Variants in CD5 observed in about 807,000 individuals in gnomAD.
CD5 encodes T-cell surface glycoprotein CD5.
In CD5, 36 loss-of-function variants were observed where a neutral mutation model predicts 60.3. The observed-to-expected ratio is 0.60, with a 90% CI of 0.46 to 0.79. The LOEUF is 0.79. Ranked by LOEUF, CD5 falls within the 30% of genes least tolerant of loss-of-function variation. The pLI is 0.00. For missense variants in CD5, 540 were observed against 630.6 expected (o/e 0.86, Z 1.54); for synonymous variants, 230 against 257.6 (o/e 0.89, Z 1.03).
At chr11:61,117,116 C>T (rs1336077248) in intron 2 of CD5, among the ~76,000 whole-genome samples, 1 of 152,246 alleles carries the variant, frequency 6.6e-6, no homozygotes, top group Non-Finnish European at 1.5e-5. Context: ...ATTGGCATGT[C>T]CGTGTAGTGA....
rs149639963 is a variant in CD5, at chr11:61,122,999, G to A, written c.1192G>A (p.Gly398Ser). 96 of 1,613,834 alleles carry A rather than the reference G, an allele frequency of 5.9e-5. No homozygotes were observed. Among genetic ancestry groups the A allele is most frequent in the African/African-American group, 1.3e-4 (10 of 75,034 alleles). Residue 398 changes from glycine (G) to serine (S), a missense_variant, in exon 7 of 11, where the codon GGC (glycine) becomes AGC (serine). Gly to Ser is a moderately conservative substitution (Grantham distance 56). Coordinates refer to ENST00000347785, the MANE Select transcript of CD5 (RefSeq NM_014207.4). ...CCTGGTGGTGCTGCTGGTCGTGTGC[G>A]GCCCCCTTGCCTACAAGAAGCTAGT... ...VLLVVLLVVC[G>S]PLAYKKLVKK...
chr11:61,125,249 A>T, intron 9 of CD5, 98 bp downstream of exon 9: 1 of 1,378,344 alleles, frequency 7.3e-7, no homozygotes, highest in South Asian at 1.3e-5. Context: ...GATGGCCCAA[A>T]GACAGAATGG....
Position 61,126,791 on chromosome 11 carries a change from C to T in CD5, c.*506C>T, listed in dbSNP as rs996023973. 2.0e-5 allele frequency: 3 copies of T among 152,214 alleles called. No homozygotes were observed. The highest frequency in any genetic ancestry group is 7.2e-5 in the African/African-American group (3 of 41,450). The allele number at this position is 152,214 out of a possible 1,614,324, so 9.4% of individuals were successfully genotyped here. A position where few individuals can be genotyped will look rare whatever the true frequency, so the allele number is the denominator to read the frequency against. ...TCTGGGGAGGACAGGAAGGGGACTCCCGGAGACCTCTGCAGCCGTGGTGGT... is the reference window on the plus strand; with the variant it reads ...TCTGGGGAGGACAGGAAGGGGACTCTCGGAGACCTCTGCAGCCGTGGTGGT... On this transcript the variant is annotated 3_prime_UTR_variant, in exon 11 of 11. Transcript: ENST00000347785.
rs112748718 is a variant in CD5, at chr11:61,118,996, C to G, written c.463+19C>G. ...CCCACAGGTAAGAGGATTCTGAACC[C>G]CCCACAGGGAGTCAGAGCTAGCAAA... On this transcript the variant is annotated intron_variant, in intron 4 of 10. Coordinates refer to ENST00000347785, the MANE Select transcript of CD5 (RefSeq NM_014207.4). The surrounding 1 kb of genome is among the most constrained non-coding windows in gnomAD (Gnocchi z 4.7). 2.0e-4 allele frequency: 323 copies of G among 1,590,884 alleles called. 10 individuals carry two copies. In the African/African-American group the frequency reaches 3.6e-3, roughly 18 times the overall value.
intron 1 of CD5, among the ~76,000 whole-genome samples, chr11:61,111,065 G>T (rs1860848397): frequency 6.6e-6 from 1 of 152,144 alleles, no homozygotes; most frequent in African/African-American, 2.4e-5. Flanking sequence ...AATTTCACTT[G>T]GTTCTCCAGC....
intron 1 of CD5, among the ~76,000 whole-genome samples, chr11:61,104,248 A>G (rs957656248): frequency 7.9e-5 from 12 of 152,168 alleles, no homozygotes; most frequent in African/African-American, 2.7e-4. Flanking sequence ...TCTCCCCAAC[A>G]CATGTGACAA....
At chr11:61,106,571 C>A (rs901010614) in intron 1 of CD5, among the ~76,000 whole-genome samples, 1 of 152,208 alleles carries the variant, frequency 6.6e-6, no homozygotes, top group African/African-American at 2.4e-5. Context: ...CTGGGTCACT[C>A]TGTCACCATC....
At chr11:61,119,685 A>G (rs1333041023) in intron 5 of CD5, 110 bp downstream of exon 5, 7 of 772,806 alleles carry the variant, frequency 9.1e-6, no homozygotes, top group Non-Finnish European at 1.4e-5. Flanking sequence ...ACTATGGAGA[A>G]TACAAGGGAA....
At chr11:61,121,292 T>C (rs1861055751) in intron 5 of CD5, among the ~76,000 whole-genome samples, 1 of 152,232 alleles carries the variant, frequency 6.6e-6, no homozygotes, top group Admixed American at 6.5e-5. Context: ...GCTCTTCTCT[T>C]ATCTCCACCT....
At chr11:61,104,177 T>C (rs1680038999) in intron 1 of CD5, among the ~76,000 whole-genome samples, 1 of 152,102 alleles carries the variant, frequency 6.6e-6, no homozygotes, top group Non-Finnish European at 1.5e-5. Flanking sequence ...TGTGCGCATG[T>C]GTGTGAGAAC....
chr11:61,100,307 G>T (rs1213287652), upstream of CD5, among the ~76,000 whole-genome samples: 3 of 129,612 alleles, frequency 2.3e-5, no homozygotes, highest in Non-Finnish European at 4.6e-5. Context: ...TCAACATGGA[G>T]ATCACACACA....
rs1565188429 is a variant in CD5, at chr11:61,126,518, A to G, written c.*233A>G. The G allele has an allele frequency of 6.6e-6, 1 of 152,122 alleles. No homozygotes were observed. The highest frequency in any genetic ancestry group is 1.5e-5 in the Non-Finnish European group (1 of 68,028). The allele number at this position is 152,122 out of a possible 1,614,324, so 9.4% of individuals were successfully genotyped here. ...GGAAGCTGTGGTGGGCAGAGCCCCA[A>G]AACAAGCAGCCTTCCAACTAGAGAC... is the stretch of plus-strand genomic sequence containing the variant. On this transcript the variant is annotated 3_prime_UTR_variant, in exon 11 of 11. Coordinates refer to ENST00000347785, the MANE Select transcript of CD5 (RefSeq NM_014207.4).
Position 61,121,765 on chromosome 11 carries a change from G to A in CD5, c.960G>A (p.Gln320=). Residue 320 remains glutamine, a synonymous_variant, in exon 6 of 11, where the codon CAG becomes CAA. Transcript: ENST00000347785. The part of the protein sequence containing the change: ...LRWEEVCREQ[Q]CGSVNSYRVL... ...GGGAGGAGGTGTGCCGGGAGCAGCA[G>A]TGTGGCAGCGTCAACTCCTATCGAG... is the stretch of plus-strand genomic sequence containing the variant. The A allele has an allele frequency of 6.2e-7, 1 of 1,612,474 alleles. No homozygotes were observed.
At chr11:61,098,520 G>A (rs1014959200), upstream of CD5, among the ~76,000 whole-genome samples, 1 of 152,132 alleles carries the variant, frequency 6.6e-6, no homozygotes, top group Non-Finnish European at 1.5e-5. Context: ...GTTAAAGATC[G>A]ACCCCTGACC....
At chr11:61,094,865 G>A in the CD5 span, among the ~76,000 whole-genome samples, 15 of 152,122 alleles carry the variant, frequency 9.9e-5, no homozygotes, top group African/African-American at 1.4e-4. Context: ...GTTGGCCATC[G>A]GAAGGAAGCC....
chr11:61,101,803 A>AC, upstream of CD5, among the ~76,000 whole-genome samples: 1 of 151,334 alleles, frequency 6.6e-6, no homozygotes, highest in African/African-American at 2.4e-5. Flanking sequence ...GATCACACAC[A>AC]CTCAACATGG....
intron 1 of CD5, among the ~76,000 whole-genome samples, chr11:61,106,285 G>C (rs1041760153): frequency 6.6e-6 from 1 of 152,152 alleles, no homozygotes; most frequent in Admixed American, 6.5e-5. Context: ...CTAAGGAGGC[G>C]AGGTCTCATC....
At chr11:61,101,615 C>G (rs528468362), upstream of CD5, among the ~76,000 whole-genome samples, 32 of 151,032 alleles carry the variant, frequency 2.1e-4, no homozygotes, top group East Asian at 5.9e-3. Context: ...GGAAATCACA[C>G]ACACATATCA....
At chr11:61,122,742 G>T (rs1009153666) in intron 6 of CD5, among the ~76,000 whole-genome samples, 165 bp from the exon 7 acceptor site, 1 of 152,234 alleles carries the variant, frequency 6.6e-6, no homozygotes, top group Admixed American at 6.5e-5. Context: ...GGGAATCCTA[G>T]AGATAGATGG....
Sources: gnomAD v4.1 joint callset for allele counts (sites outside exome capture counted in the v4.1 genomes callset) on GRCh38, gnomAD v4.1.1 for gene constraint, Gnocchi (gnomAD v3.1) non-coding constraint, MANE v1.5 for transcripts, NCBI Gene and HGNC (gene_info 2026-07-23, HGNC 2026-07-21) for gene names.